The following WDR72 variants were observed in gnomAD, a reference collection of about 807,000 sequenced individuals.
WDR72 encodes the protein WD repeat-containing protein 72.
WDR72 carries 120 observed loss-of-function variants against 124.2 expected under a neutral mutation model. The ratio of observed to expected loss-of-function variants is 0.97; its 90% CI spans 0.83 to 1.12. WDR72 has a LOEUF of 1.12. Ranked by LOEUF, WDR72 falls within the 50% of genes most tolerant of loss-of-function variation. The pLI is 0.00. For synonymous variants in WDR72, 452 were observed against 441.7 expected (o/e 1.02, Z -0.29); for missense variants, 1,387 against 1,278.8 (o/e 1.08, Z -1.29).
At chr15:53,662,049 T>A (rs1476478291) in intron 14 of WDR72, among the ~76,000 whole-genome samples, 2 of 152,162 alleles carry the variant, frequency 1.3e-5, no homozygotes, top group East Asian at 3.8e-4. Flanking sequence ...CCTTAAAATA[T>A]CATGAAGCTA....
intron 7 of WDR72, among the ~76,000 whole-genome samples, 175 bp downstream of exon 7, chr15:53,712,597 C>A (rs914109539): frequency 8.0e-6 from 1 of 124,262 alleles, no homozygotes; most frequent in Non-Finnish European, 1.9e-5. Context: ...TGTCAACCAC[C>A]CCACCGCCAA....
At chr15:53,680,854 T>C (rs576202474) in intron 13 of WDR72, among the ~76,000 whole-genome samples, 1 of 152,234 alleles carries the variant, frequency 6.6e-6, no homozygotes, top group Non-Finnish European at 1.5e-5. Context: ...TTCCCCCAAA[T>C]GTGAAAAGGA....
chr15:53,757,712 CATT>C (rs1322534493), intron 1 of WDR72, among the ~76,000 whole-genome samples: 1 of 152,102 alleles, frequency 6.6e-6, no homozygotes, highest in Admixed American at 6.6e-5. Flanking sequence ...TTATTACTAA[CATT>C]ATTATTATTA....
intron 18 of WDR72, among the ~76,000 whole-genome samples, chr15:53,574,275 T>C (rs866711039): frequency 7.9e-5 from 12 of 152,214 alleles, no homozygotes; most frequent in Admixed American, 5.9e-4. Context: ...ATGCCTTCTA[T>C]ACATGCCTAA....
At chr15:53,614,516 C>T (rs939526905) in intron 15 of WDR72, among the ~76,000 whole-genome samples, 1 of 152,044 alleles carries the variant, frequency 6.6e-6, no homozygotes, top group South Asian at 2.1e-4. Flanking sequence ...AAAGAGTCAA[C>T]CAACGTGTGA....
intron 18 of WDR72, among the ~76,000 whole-genome samples, chr15:53,562,932 A>G (rs986268255): frequency 3.3e-5 from 5 of 151,864 alleles, no homozygotes; most frequent in African/African-American, 1.2e-4. Context: ...TAAGTTACTT[A>G]AATCATACCA....
chr15:53,668,796 CTTGGGGGGCTGAG>C (rs11271493), intron 13 of WDR72, among the ~76,000 whole-genome samples: 89,974 of 150,226 alleles, frequency 0.6, 29,055 homozygotes, highest in Middle Eastern at 0.83. Context: ...GTCACAGCTA[CTTGGGGGGCTGAG>C]GTGGGAGGAT....
At chr15:53,612,948 G>T (rs2013607700) in intron 16 of WDR72, among the ~76,000 whole-genome samples, 1 of 151,542 alleles carries the variant, frequency 6.6e-6, no homozygotes, top group South Asian at 2.1e-4. Context: ...TGGTGTAGGG[G>T]GTGAGAAGCA....
chr15:53,573,495 T>G (rs994280502), intron 18 of WDR72, among the ~76,000 whole-genome samples: 2 of 152,196 alleles, frequency 1.3e-5, no homozygotes, highest in African/African-American at 4.8e-5. Flanking sequence ...TTTTTATGAT[T>G]CTTGCTTGTA....
At chr15:53,653,609 A>G (rs1349223112) in intron 14 of WDR72, among the ~76,000 whole-genome samples, 1 of 152,102 alleles carries the variant, frequency 6.6e-6, no homozygotes, top group African/African-American at 2.4e-5. Flanking sequence ...ATGATGTTTG[A>G]TTTGGGTTTT....
chr15:53,665,655 T>G lies in WDR72; in HGVS notation c.1879A>C (p.Lys627Gln). 1.2e-6 allele frequency: 2 copies of G among 1,613,930 alleles called. No individual in the cohort carries two copies. The highest frequency in any genetic ancestry group is 1.7e-6 in the Non-Finnish European group (2 of 1,179,876). The change falls in exon 14 of 20, where the codon AAA becomes CAA. Residue 627 changes from lysine to glutamine, a missense_variant. By Grantham distance (53) the Lys-to-Gln change is moderately conservative. Transcript: ENST00000360509. ...CTGGAGGATCTCTGTTCTATACTTT[T>G]GTGCTTAAGTGTCTCTGAGGCAATG... ...LPIASETLKH[K>Q]SIEQRSSSPY... is the part of the protein sequence containing the mutation.
chr15:53,571,981 T>G (rs574455647), intron 18 of WDR72, among the ~76,000 whole-genome samples: 94 of 152,292 alleles, frequency 6.2e-4, no homozygotes, highest in Middle Eastern at 6.8e-3. Flanking sequence ...ATGTTGAACA[T>G]TTTTTCATAT....
rs371209776 is a variant in WDR72, at chr15:53,637,846, T to C, written c.1963-21603A>G. Among the ~76,000 whole-genome samples the C allele has an allele frequency of 4.6e-5, 7 of 152,178 alleles. No individual in the cohort carries two copies. In the East Asian group the frequency reaches 1.3e-3, roughly 29 times the overall value. On this transcript the variant is annotated intron_variant, in intron 14 of 19. Transcript: ENST00000360509. ...GGCATTCACAGAAACTGTTCATGCG[T>C]GAAAGTGTGAGTGAGACTCCTTCAA...
chr15:53,729,495 A>AAAC (rs56129947), intron 2 of WDR72, among the ~76,000 whole-genome samples: 3 of 125,624 alleles, frequency 2.4e-5, no homozygotes, highest in Non-Finnish European at 5.3e-5. Context: ...TGAAAAAAAA[A>AAAC]CAAAACAAAA....
rs182121377 is a variant in WDR72 at position 53,556,614 on chromosome 15, T to A, written c.3149-33292A>T. Among the ~76,000 whole-genome samples the A allele has an allele frequency of 7.3e-4, 111 of 152,050 alleles. 1 individual carries two copies. The highest frequency in any genetic ancestry group is 1.4e-3 in the Non-Finnish European group (95 of 67,994). On this transcript the variant is annotated intron_variant, in intron 18 of 19. Coordinates refer to ENST00000360509, the MANE Select transcript of WDR72 (RefSeq NM_182758.4). ...CAGCCTAGTAAACTGCCCAAACTGATAAAAGTTCAAAGAATAAATATAATT... is the reference window on the plus strand; with the variant it reads ...CAGCCTAGTAAACTGCCCAAACTGAAAAAAGTTCAAAGAATAAATATAATT...
chr15:53,710,483 C>G (rs185551131), intron 9 of WDR72, among the ~76,000 whole-genome samples: 14 of 152,114 alleles, frequency 9.2e-5, no homozygotes, highest in African/African-American at 3.4e-4. Flanking sequence ...TGAAACTTTT[C>G]CAATTATTTG....
chr15:53,693,457 C>T (rs1041009355), intron 13 of WDR72, among the ~76,000 whole-genome samples: 5 of 152,148 alleles, frequency 3.3e-5, no homozygotes, highest in East Asian at 1.9e-4. Flanking sequence ...ATCTATACGA[C>T]AAGATTAAAC....
At chr15:53,604,619 T>C (rs1019477391) in intron 17 of WDR72, among the ~76,000 whole-genome samples, 2 of 151,948 alleles carry the variant, frequency 1.3e-5, no homozygotes, top group East Asian at 1.9e-4. Flanking sequence ...TACAAAGAAC[T>C]TAAACAAATT....
intron 18 of WDR72, among the ~76,000 whole-genome samples, chr15:53,589,810 C>T (rs191551539): frequency 6.6e-6 from 1 of 152,074 alleles, no homozygotes; most frequent in East Asian, 1.9e-4. Context: ...AGATGAAAAT[C>T]ATCAATCTCA....
Sources: allele counts gnomAD v4.1 joint callset (sites outside exome capture counted in the v4.1 genomes callset), GRCh38; gene constraint gnomAD v4.1.1; transcripts MANE v1.5; gene names NCBI Gene and HGNC (gene_info 2026-07-23, HGNC 2026-07-21).